The following CRTAC1 variants were observed in gnomAD, a reference collection of about 807,000 sequenced individuals.
CRTAC1 encodes the protein acidic secreted protein in cartilage.
In CRTAC1, 37 loss-of-function variants were observed where a neutral mutation model predicts 67.8. The observed-to-expected ratio is 0.55, with a 90% CI of 0.42 to 0.72. The LOEUF is 0.72. Among genes scored for constraint, CRTAC1 ranks in the 30% least tolerant of loss-of-function variants. The pLI, the probability that CRTAC1 is intolerant of heterozygous loss-of-function variation, is 0.00. For synonymous variants in CRTAC1, 348 were observed against 371.0 expected (o/e 0.94, Z 0.71); for missense variants, 780 against 931.6 (o/e 0.84, Z 2.12).
chr10:98,017,395 A>G (rs990514833), intron 1 of CRTAC1, among the ~76,000 whole-genome samples: 3 of 152,138 alleles, frequency 2.0e-5, no homozygotes, highest in Admixed American at 6.5e-5. Context: ...ACAGGGCCAG[A>G]GCGCAGGGTG....
Position 97,936,150 on chromosome 10 carries a change from G to T in CRTAC1, c.421+20C>A, listed in dbSNP as rs373488391. 1.0e-4 allele frequency: 161 copies of T among 1,576,910 alleles called. No homozygotes were observed. The highest frequency in any genetic ancestry group is 1.4e-4 in the Non-Finnish European group (158 of 1,155,616). ...GGGAGAAGATGGGAAGCAGGAAGAG[G>T]CCTGAGCCCCAGCCCTTACCCGAGA... On this transcript the variant is annotated intron_variant, in intron 3 of 14. Transcript: ENST00000370597.
chr10:97,985,532 C>A (rs1041140416), intron 2 of CRTAC1, among the ~76,000 whole-genome samples: 1 of 152,114 alleles, frequency 6.6e-6, no homozygotes, highest in East Asian at 1.9e-4. Flanking sequence ...TTCCTGCTTG[C>A]GGTATGCCTG....
At chr10:97,966,885 A>G (rs138200795) in intron 2 of CRTAC1, among the ~76,000 whole-genome samples, 1 of 151,882 alleles carries the variant, frequency 6.6e-6, no homozygotes. Flanking sequence ...TGCCATTTTC[A>G]TCTCATCATA....
chr10:97,932,001 A>G (rs375784664), intron 3 of CRTAC1, among the ~76,000 whole-genome samples: 36 of 152,194 alleles, frequency 2.4e-4, no homozygotes, highest in Admixed American at 1.4e-3. Context: ...GTATTTTTCT[A>G]GGTTGCTGAA....
At chr10:97,892,961 C>G (rs2050399047) in intron 11 of CRTAC1, among the ~76,000 whole-genome samples, 1 of 152,184 alleles carries the variant, frequency 6.6e-6, no homozygotes, top group Non-Finnish European at 1.5e-5. Context: ...ACACACACGA[C>G]AAAACATATG....
At position 98,029,440 on chromosome 10, in the gene CRTAC1, C is replaced by A. The variant is rs1241533395; in HGVS notation, c.24+1009G>T. ...ATGTGTCCTGTCAGGAGAACGGAAGCATCTCCTGGGATGTGCAGAAGCCAC... is the reference window on the plus strand; with the variant it reads ...ATGTGTCCTGTCAGGAGAACGGAAGAATCTCCTGGGATGTGCAGAAGCCAC... On this transcript the variant is annotated intron_variant, in intron 1 of 14. Coordinates refer to ENST00000370597, the MANE Select transcript of CRTAC1 (RefSeq NM_018058.7). This position sits in a 1 kb window ranked among gnomAD's most constrained non-coding sequence, Gnocchi z 4.7. Among the ~76,000 whole-genome samples, 2 of 151,944 alleles carry A rather than the reference C, an allele frequency of 1.3e-5. No individual in the cohort carries two copies. Among genetic ancestry groups the A allele is most frequent in the African/African-American group, 4.8e-5 (2 of 41,374 alleles).
chr10:98,009,364 C>A (rs1274301167), intron 2 of CRTAC1, among the ~76,000 whole-genome samples: 1 of 152,138 alleles, frequency 6.6e-6, no homozygotes, highest in Non-Finnish European at 1.5e-5. Flanking sequence ...CTGGATAGCA[C>A]ACCAATCTAC....
intron 3 of CRTAC1, among the ~76,000 whole-genome samples, chr10:97,934,837 C>G (rs1017177851): frequency 2.5e-4 from 38 of 152,034 alleles, no homozygotes; most frequent in African/African-American, 8.9e-4. Context: ...ACATCCCTCA[C>G]AGTGTCCCTC....
intron 3 of CRTAC1, among the ~76,000 whole-genome samples, chr10:97,934,225 C>T (rs1449346373): frequency 2.0e-5 from 3 of 152,230 alleles, no homozygotes; most frequent in Non-Finnish European, 2.9e-5. Context: ...CCTTTCTGAC[C>T]TTGTCCAACG....
In CRTAC1 at chr10:97,880,491, C is replaced by A; in HGVS notation, c.1676-99G>T. 5 of 1,465,818 alleles carry A rather than the reference C, an allele frequency of 3.4e-6. No homozygotes were observed. The African/African-American group carries it at 6.9e-5, about 20-fold the overall frequency. 90.8% of individuals were successfully genotyped at this position (1,465,818 alleles called of 1,614,324 possible). ...ACACTGTCTGGCTTTGGGAATGTGC[C>A]TTCCTCGCAGAGCCTCAGTTTCCCT... On this transcript the variant is annotated intron_variant, in intron 13 of 14. Coordinates refer to ENST00000370597, the MANE Select transcript of CRTAC1 (RefSeq NM_018058.7).
intron 2 of CRTAC1, among the ~76,000 whole-genome samples, chr10:97,950,233 GCA>G (rs58716155): frequency 0.059 from 7,375 of 125,682 alleles, 213 homozygotes; most frequent in Middle Eastern, 0.11. Context: ...GCATGTACGT[GCA>G]CACACACACA....
At chr10:98,020,738 A>C (rs1249557109) in intron 1 of CRTAC1, among the ~76,000 whole-genome samples, 1 of 152,256 alleles carries the variant, frequency 6.6e-6, no homozygotes, top group Non-Finnish European at 1.5e-5. Context: ...TGTGTAGTGC[A>C]GTGAGGCTCT....
At chr10:97,902,250 G>A (rs909758512) in intron 7 of CRTAC1, among the ~76,000 whole-genome samples, 1 of 152,222 alleles carries the variant, frequency 6.6e-6, no homozygotes, top group Admixed American at 6.5e-5. Context: ...AGGATTGCAT[G>A]TAAAATGCCT....
intron 3 of CRTAC1, among the ~76,000 whole-genome samples, chr10:97,935,597 C>A (rs1035995816): frequency 6.6e-6 from 1 of 152,198 alleles, no homozygotes; most frequent in African/African-American, 2.4e-5. Context: ...AAAGGCTCCA[C>A]GAACTCAAGG....
chr10:97,866,015 C>A, intron 14 of CRTAC1: 1 of 374,030 alleles, frequency 2.7e-6, no homozygotes, highest in East Asian at 4.3e-5. Context: ...GGCGGCCCCT[C>A]TCTTCCACAG....
At chr10:97,978,360 C>T (rs2136660457) in intron 2 of CRTAC1, among the ~76,000 whole-genome samples, 1 of 152,308 alleles carries the variant, frequency 6.6e-6, no homozygotes, top group Non-Finnish European at 1.5e-5. Context: ...TTCCTTTACC[C>T]CCTCTCCACC....
intron 6 of CRTAC1, among the ~76,000 whole-genome samples, chr10:97,905,438 A>G (rs2050598707): frequency 6.6e-6 from 1 of 152,088 alleles, no homozygotes; most frequent in African/African-American, 2.4e-5. Flanking sequence ...TTCCTCCGGG[A>G]AGCCCTCCCT....
At chr10:97,948,423 G>A (rs960797164) in intron 2 of CRTAC1, among the ~76,000 whole-genome samples, 1 of 152,170 alleles carries the variant, frequency 6.6e-6, no homozygotes, top group Admixed American at 6.5e-5. Flanking sequence ...GTGTGGATGG[G>A]TCATTTAGGA....
chr10:97,900,125 T>C (rs966941873), intron 8 of CRTAC1, among the ~76,000 whole-genome samples: 5 of 152,216 alleles, frequency 3.3e-5, no homozygotes, highest in African/African-American at 4.8e-5. Context: ...CTGATGCCAA[T>C]GGTCTCTGGA....
Sources: gnomAD v4.1 joint callset for allele counts (sites outside exome capture counted in the v4.1 genomes callset) on GRCh38, gnomAD v4.1.1 for gene constraint, Gnocchi (gnomAD v3.1) non-coding constraint, MANE v1.5 for transcripts, NCBI Gene and HGNC (gene_info 2026-07-23, HGNC 2026-07-21) for gene names.